BRINP1: variants seen among roughly 807,000 people sequenced by gnomAD.
The protein encoded by BRINP1 is BMP/retinoic acid inducible neural specific 1.
Under a neutral mutation model 72.9 loss-of-function variants are expected in BRINP1, and 17 were observed. That is an observed-to-expected ratio of 0.23 (90% CI 0.16 to 0.35). The LOEUF (loss-of-function observed/expected upper bound fraction) is 0.35, where lower values mean the gene tolerates loss of function less well. Among genes scored for constraint, BRINP1 ranks in the 10% least tolerant of loss-of-function variants. The pLI is 1.00. For missense variants in BRINP1, 850 were observed against 1,001.6 expected (o/e 0.85, Z 2.04); for synonymous variants, 418 against 378.5 (o/e 1.10, Z -1.21).
At chr9:119,324,911 C>G (rs1454273262) in intron 1 of BRINP1, among the ~76,000 whole-genome samples, 1 of 152,074 alleles carries the variant, frequency 6.6e-6, no homozygotes, top group African/African-American at 2.4e-5. Context: ...ACCAGCCTGA[C>G]CAACATGGAG....
intron 1 of BRINP1, among the ~76,000 whole-genome samples, chr9:119,366,681 G>A (rs1831695988): frequency 6.6e-6 from 1 of 151,880 alleles, no homozygotes; most frequent in South Asian, 2.1e-4. Flanking sequence ...ACAAGCGATT[G>A]TCTTGGTAGG....
At chr9:119,271,441 C>CATTGATTAATT (rs1372897976) in intron 2 of BRINP1, among the ~76,000 whole-genome samples, 3 of 151,948 alleles carry the variant, frequency 2.0e-5, no homozygotes, top group African/African-American at 4.8e-5. Context: ...ATGCAACTAT[C>CATTGATTAATT]ATTGATTAAT....
intron 6 of BRINP1, among the ~76,000 whole-genome samples, chr9:119,212,207 G>A (rs1327713825): frequency 6.6e-6 from 1 of 152,130 alleles, no homozygotes; most frequent in African/African-American, 2.4e-5. Context: ...AGCACTGTAG[G>A]AGCAGGATCC....
Position 119,367,221 on chromosome 9 carries a change from G to GTGTGATATATATATATATAT in BRINP1, c.-51+1834_-51+1835insATATATATATATATATCACA, listed in dbSNP as rs1564259756. 2.8e-3 allele frequency among the ~76,000 whole-genome samples: 275 copies of GTGTGATATATATATATATAT among 99,852 alleles called. 1 individual carries two copies. Among genetic ancestry groups the GTGTGATATATATATATATAT allele is most frequent in the Non-Finnish European group, 4.6e-3 (243 of 52,672 alleles). The allele number at this position is 99,852 out of a possible 152,430, so 65.5% of individuals were successfully genotyped here. On this transcript the variant is annotated intron_variant, in intron 1 of 7. Coordinates refer to ENST00000265922, the MANE Select transcript of BRINP1 (RefSeq NM_014618.3). ...TGTGTGTGTGTGTGTGTGTGTGATT[G>GTGTGATATATATATATATAT]ATATATATATATATATATATATCTT... is the stretch of plus-strand genomic sequence containing the variant.
chr9:119,273,207 G>C (rs781128821), intron 2 of BRINP1, among the ~76,000 whole-genome samples: 1 of 152,192 alleles, frequency 6.6e-6, no homozygotes, highest in Non-Finnish European at 1.5e-5. Context: ...TGTCACCAAA[G>C]TGTTTTTTGA....
intron 6 of BRINP1, among the ~76,000 whole-genome samples, chr9:119,211,687 G>A (rs1029139013): frequency 6.6e-6 from 1 of 152,164 alleles, no homozygotes; most frequent in East Asian, 1.9e-4. Flanking sequence ...GAAGGTTAAG[G>A]GCTAAAAATG....
At chr9:119,175,098 C>T (rs1052238723) in intron 7 of BRINP1, among the ~76,000 whole-genome samples, 3 of 125,606 alleles carry the variant, frequency 2.4e-5, no homozygotes, top group Non-Finnish European at 4.8e-5. Flanking sequence ...GCACATGTAC[C>T]CTAAAACTTA....
chr9:119,183,678 A>G (rs1050189274), intron 7 of BRINP1, among the ~76,000 whole-genome samples: 1 of 152,250 alleles, frequency 6.6e-6, no homozygotes, highest in South Asian at 2.1e-4. Context: ...TCAGAATGAT[A>G]TTAATAAGGC....
chr9:119,307,950 A>G (rs1012964948), intron 2 of BRINP1, among the ~76,000 whole-genome samples: 1 of 152,204 alleles, frequency 6.6e-6, no homozygotes, highest in South Asian at 2.1e-4. Context: ...GTCCTGCTGT[A>G]TCACAAATTA....
intron 2 of BRINP1, among the ~76,000 whole-genome samples, chr9:119,268,287 GATAGA>G (rs1830574141): frequency 6.6e-6 from 1 of 151,890 alleles, no homozygotes; most frequent in African/African-American, 2.4e-5. Context: ...TAGATAGATA[GATAGA>G]TAGATAGATA....
chr9:119,341,920 C>T (rs949203325), intron 1 of BRINP1, among the ~76,000 whole-genome samples: 1 of 152,106 alleles, frequency 6.6e-6, no homozygotes, highest in Admixed American at 6.5e-5. Flanking sequence ...CACGCCACCA[C>T]ACTCAGCTAA....
intron 7 of BRINP1, among the ~76,000 whole-genome samples, chr9:119,173,691 C>G (rs1274050861): frequency 7.0e-6 from 1 of 143,726 alleles, no homozygotes; most frequent in East Asian, 2.0e-4. Flanking sequence ...CAAGTCAATC[C>G]TAAGCCAAAA....
In BRINP1 at chr9:119,249,101, G is replaced by A. The variant is rs753946228; in HGVS notation, c.268C>T (p.Leu90=). 16 of 1,614,068 alleles carry A rather than the reference G, an allele frequency of 9.9e-6. No homozygotes were observed. The highest frequency in any genetic ancestry group is 1.4e-5 in the Non-Finnish European group (16 of 1,180,028). Residue 90 remains leucine (L), a synonymous_variant, in exon 3 of 8, where the codon CTG becomes TTG. Transcript: ENST00000265922. The part of the protein sequence containing the change: ...VRNTAIERRD[L]VRHPVPLMPE... ...ATGAGGGGCACTGGATGGCGGACCA[G>A]ATCTCTCCTCTCGATGGCTGTGTTC...
chr9:119,235,878 C>T lies in BRINP1; in HGVS notation c.685+2777G>A, dbSNP rs568274624. Among the ~76,000 whole-genome samples the T allele has an allele frequency of 6.6e-5, 10 of 152,258 alleles. No homozygotes were observed. In the East Asian group the frequency reaches 1.7e-3, roughly 26 times the overall value. Reference sequence around the variant, plus strand: ...ACTGATGCTTAAATAATCTCTATAACATTTGCACCAAATATAATCTACTTA... The same window carrying T: ...ACTGATGCTTAAATAATCTCTATAATATTTGCACCAAATATAATCTACTTA... On this transcript the variant is annotated intron_variant, in intron 5 of 7. Transcript: ENST00000265922.
chr9:119,273,055 A>T (rs1227179583), intron 2 of BRINP1, among the ~76,000 whole-genome samples: 1 of 152,178 alleles, frequency 6.6e-6, no homozygotes, highest in East Asian at 1.9e-4. Flanking sequence ...TTTCCTGCAC[A>T]CAGTTCTGGG....
At chr9:119,169,620 G>A (rs1829375470) in intron 7 of BRINP1, among the ~76,000 whole-genome samples, 1 of 152,226 alleles carries the variant, frequency 6.6e-6, no homozygotes, top group Non-Finnish European at 1.5e-5. Flanking sequence ...GAACTGGGTG[G>A]AGCCCACCAC....
chr9:119,282,839 G>C (rs1445864040), intron 2 of BRINP1: 1 of 985,154 alleles, frequency 1.0e-6, no homozygotes. Flanking sequence ...GGTCACAGTG[G>C]AGAGACAGCA....
intron 2 of BRINP1, among the ~76,000 whole-genome samples, chr9:119,287,321 T>C (rs1830772258): frequency 6.6e-6 from 1 of 152,232 alleles, no homozygotes; most frequent in South Asian, 2.1e-4. Flanking sequence ...TTCACATTTT[T>C]AACTTTTATT....
chr9:119,290,098 C>G (rs1830807119), intron 2 of BRINP1, among the ~76,000 whole-genome samples: 1 of 152,140 alleles, frequency 6.6e-6, no homozygotes, highest in Non-Finnish European at 1.5e-5. Context: ...TTCAAAAGAA[C>G]AACAACAATA....
Sources: gnomAD v4.1 joint callset for allele counts (sites outside exome capture counted in the v4.1 genomes callset) on GRCh38, gnomAD v4.1.1 for gene constraint, MANE v1.5 for transcripts, NCBI Gene and HGNC (gene_info 2026-07-23, HGNC 2026-07-21) for gene names.